The following CASD1 variants were observed in gnomAD, a reference collection of about 807,000 sequenced individuals.
CASD1 encodes the protein N-acetylneuraminate (7)9-O-acetyltransferase.
CASD1 carries 41 observed loss-of-function variants against 100.0 expected under a neutral mutation model. The ratio of observed to expected loss-of-function variants is 0.41; its 90% confidence interval spans 0.32 to 0.53. The LOEUF is 0.53. CASD1 is among the 20% of genes least tolerant of loss of function. CASD1 has a pLI of 0.25. For missense variants in CASD1, 774 were observed against 948.7 expected (o/e 0.82, Z 2.42); for synonymous variants, 321 against 315.6 (o/e 1.02, Z -0.18).
intron 10 of CASD1, among the ~76,000 whole-genome samples, chr7:94,541,684 T>G (rs567424370): frequency 8.4e-4 from 127 of 151,780 alleles, no homozygotes; most frequent in Non-Finnish European, 1.6e-3. Context: ...AACTCTAATG[T>G]AAAGTTGAAA....
the CASD1 span, among the ~76,000 whole-genome samples, chr7:94,567,839 A>G: frequency 6.6e-6 from 1 of 151,770 alleles, no homozygotes; most frequent in African/African-American, 2.4e-5. Context: ...CATGACTACT[A>G]CTCCCCAACT....
At chr7:94,587,553 A>G in the CASD1 span, 1 of 1,318,868 alleles carries the variant, frequency 7.6e-7, no homozygotes, top group Non-Finnish European at 9.6e-7. Flanking sequence ...GGTAGTAGGG[A>G]TTCATTTATC....
chr7:94,537,000 C>G (rs1795154584), intron 8 of CASD1, among the ~76,000 whole-genome samples: 1 of 151,704 alleles, frequency 6.6e-6, no homozygotes, highest in South Asian at 2.1e-4. Context: ...TTTTTTCCCC[C>G]ACATTTAAAC....
the CASD1 span, chr7:94,598,270 A>G: frequency 5.6e-6 from 1 of 178,254 alleles, no homozygotes; most frequent in African/African-American, 2.4e-5. Context: ...TTGCACTAAT[A>G]AAATAGGTGT....
the CASD1 span, among the ~76,000 whole-genome samples, chr7:94,592,064 A>G: frequency 6.6e-6 from 1 of 152,182 alleles, no homozygotes; most frequent in African/African-American, 2.4e-5. Context: ...GGTACAACCT[A>G]TCTCCTGTTT....
At chr7:94,536,686 A>T (rs1795138159) in intron 8 of CASD1, among the ~76,000 whole-genome samples, 1 of 140,288 alleles carries the variant, frequency 7.1e-6, no homozygotes, top group Non-Finnish European at 1.6e-5. Context: ...GATTTTCTCA[A>T]ATCTTGATTA....
At chr7:94,604,369 G>A in the CASD1 span, among the ~76,000 whole-genome samples, 1 of 151,730 alleles carries the variant, frequency 6.6e-6, no homozygotes, top group Non-Finnish European at 1.5e-5. Flanking sequence ...TTGACTAACT[G>A]ATCCTAAAAT....
chr7:94,545,671 T>G lies in CASD1; in HGVS notation c.1603T>G (p.Trp535Gly). The G allele has an allele frequency of 6.2e-7, 1 of 1,601,000 alleles. No homozygotes were observed. Among genetic ancestry groups the G allele is most frequent in the Non-Finnish European group, 8.5e-7 (1 of 1,173,060 alleles). The change falls in exon 12 of 18, where the codon TGG (tryptophan) becomes GGG (glycine). Residue 535 changes from tryptophan to glycine, a missense_variant. Coordinates refer to ENST00000297273, the MANE Select transcript of CASD1 (RefSeq NM_022900.5). ...GGTCATATATGTTACTTTAGCACTA[T>G]GGCCACAAATAATCCAAAAAAAAGC... is the stretch of plus-strand genomic sequence containing the variant. The part of the protein sequence containing the change: ...FMVIYVTLAL[W>G]PQIIQKKANG...
At chr7:94,533,171 T>C in intron 5 of CASD1, 34 bp from the exon 6 acceptor site, 2 of 1,550,352 alleles carry the variant, frequency 1.3e-6, no homozygotes, top group Non-Finnish European at 1.8e-6. Flanking sequence ...CTGAACTGAT[T>C]ATAATACTAT....
At chr7:94,595,588 C>T in the CASD1 span, among the ~76,000 whole-genome samples, 10 of 151,910 alleles carry the variant, frequency 6.6e-5, no homozygotes, top group Non-Finnish European at 1.3e-4. Flanking sequence ...TAATGCCTCC[C>T]AAAATATAAT....
At chr7:94,608,552 T>G in the CASD1 span, among the ~76,000 whole-genome samples, 2 of 152,182 alleles carry the variant, frequency 1.3e-5, no homozygotes, top group Admixed American at 1.3e-4. Context: ...CAAGTTAATT[T>G]GCAGATATTA....
the CASD1 span, chr7:94,585,538 TGGGCAGGAGTTAGTCA>T: frequency 3.8e-6 from 6 of 1,563,024 alleles, no homozygotes; most frequent in African/African-American, 8.1e-5. Flanking sequence ...AGAATGAATA[TGGGCAGGAGTTAGTCA>T]GGGCATGGAT....
intron 14 of CASD1, 119 bp downstream of exon 14, chr7:94,549,753 C>T: frequency 4.2e-6 from 3 of 712,242 alleles, no homozygotes. Context: ...TTTAGTAAAT[C>T]AAAGCAGTCC....
At chr7:94,542,702 G>A (rs1304694196) in intron 10 of CASD1, among the ~76,000 whole-genome samples, 1 of 152,142 alleles carries the variant, frequency 6.6e-6, no homozygotes, top group Non-Finnish European at 1.5e-5. Flanking sequence ...ATTGCCTTGG[G>A]AATTTGTTTT....
At chr7:94,524,435 T>C (rs1794444777) in intron 3 of CASD1, among the ~76,000 whole-genome samples, 1 of 152,118 alleles carries the variant, frequency 6.6e-6, no homozygotes, top group Non-Finnish European at 1.5e-5. Flanking sequence ...AGTGAGTTTT[T>C]TTTATACCTA....
chr7:94,521,179 C>T (rs1467435708), intron 3 of CASD1, among the ~76,000 whole-genome samples: 1 of 152,058 alleles, frequency 6.6e-6, no homozygotes, highest in African/African-American at 2.4e-5. Context: ...TTTCTGTGTT[C>T]TTGAGATGTA....
the CASD1 span, chr7:94,627,812 A>G: frequency 4.9e-6 from 1 of 202,164 alleles, no homozygotes; most frequent in South Asian, 8.4e-5. Context: ...ACCTATCACA[A>G]TGCTTGGCAA....
chr7:94,536,368 A>G (rs376478134), intron 8 of CASD1, among the ~76,000 whole-genome samples: 7 of 152,356 alleles, frequency 4.6e-5, no homozygotes, highest in East Asian at 3.9e-4. Flanking sequence ...AAGGAGAACT[A>G]TGTAACTACA....
the CASD1 span, among the ~76,000 whole-genome samples, chr7:94,575,499 G>C: frequency 6.6e-6 from 1 of 152,130 alleles, no homozygotes; most frequent in African/African-American, 2.4e-5. Flanking sequence ...GTGCCATGTG[G>C]TGATGAGAAT....
Sources: gnomAD v4.1 joint callset for allele counts (sites outside exome capture counted in the v4.1 genomes callset) on GRCh38, gnomAD v4.1.1 for gene constraint, MANE v1.5 for transcripts, NCBI Gene and HGNC (gene_info 2026-07-23, HGNC 2026-07-21) for gene names.